The following INTS6 variants were observed in gnomAD, a reference collection of about 807,000 sequenced individuals.
The protein encoded by INTS6 is DEAD box protein.
INTS6 carries 16 observed loss-of-function variants against 104.9 expected under a neutral mutation model. That is an observed-to-expected ratio of 0.15 (90% CI 0.10 to 0.23). The LOEUF (loss-of-function observed/expected upper bound fraction) is 0.23. Ranked by LOEUF, INTS6 falls within the 10% of genes least tolerant of loss-of-function variation. INTS6 has a pLI of 1.00. For synonymous variants in INTS6, 324 were observed against 358.7 expected, an observed-to-expected ratio of 0.90 and a Z score of 1.09; for missense variants, 584 against 1,062.8, an observed-to-expected ratio of 0.55 and a Z score of 6.26.
intron 4 of INTS6, among the ~76,000 whole-genome samples, chr13:51,424,397 G>A (rs1956950532): frequency 6.6e-6 from 1 of 151,814 alleles, no homozygotes; most frequent in African/African-American, 2.4e-5. Flanking sequence ...ATCAATAAGA[G>A]TACTGCAAAT....
At chr13:51,418,723 G>A (rs865872881) in intron 4 of INTS6, among the ~76,000 whole-genome samples, 7 of 152,026 alleles carry the variant, frequency 4.6e-5, no homozygotes, top group African/African-American at 1.4e-4. Flanking sequence ...TTTGTTCAGA[G>A]GAAAGAGCAA....
intron 16 of INTS6, among the ~76,000 whole-genome samples, chr13:51,368,326 G>C (rs1008444323): frequency 6.6e-6 from 1 of 152,046 alleles, no homozygotes; most frequent in African/African-American, 2.4e-5. Context: ...GTTTTCATAT[G>C]AAACTCTGCA....
At chr13:51,348,709 G>A in the INTS6 span, 1 of 346,914 alleles carries the variant, frequency 2.9e-6, no homozygotes, top group Non-Finnish European at 5.3e-6. Flanking sequence ...CCCTGATCCA[G>A]CCCTAGGCTG....
downstream of INTS6, among the ~76,000 whole-genome samples, chr13:51,353,734 A>G (rs1300830597): frequency 1.3e-5 from 2 of 152,222 alleles, no homozygotes; most frequent in African/African-American, 4.8e-5. Flanking sequence ...AGAAAGTATG[A>G]TACTTTTGTT....
At chr13:51,409,815 G>T (rs778807632) in intron 4 of INTS6, among the ~76,000 whole-genome samples, 122 of 152,248 alleles carry the variant, frequency 8.0e-4, no homozygotes, top group Non-Finnish European at 3.4e-4. Flanking sequence ...TGGAAAGGAA[G>T]AAGTGTACCT....
intron 3 of INTS6, among the ~76,000 whole-genome samples, chr13:51,431,737 G>C (rs1164416595): frequency 6.6e-6 from 1 of 152,060 alleles, no homozygotes; most frequent in Non-Finnish European, 1.5e-5. Context: ...GAAAAAAATG[G>C]TTCCGGGGGA....
At position 51,395,573 on chromosome 13, in the gene INTS6, T is replaced by G. The variant is rs1469687768; in HGVS notation, c.430-90A>C. 3 of 1,101,936 alleles carry G rather than the reference T, an allele frequency of 2.7e-6. No homozygotes were observed. The Admixed American group carries it at 9.0e-5, about 33-fold the overall frequency. The allele number at this position is 1,101,936 out of a possible 1,614,324, so 68.3% of individuals were successfully genotyped here. A position where few individuals can be genotyped will look rare whatever the true frequency, so the allele number is the denominator to read the frequency against. On this transcript the variant is annotated intron_variant, in intron 4 of 17. Transcript: ENST00000311234. ...TAATTACACTTACGTTAGAACTGCA[T>G]CAACTCTCCTATCACTTGAAAAACA...
chr13:51,402,860 T>C (rs1406339000), intron 4 of INTS6: 1 of 152,156 alleles, frequency 6.6e-6, no homozygotes, highest in Non-Finnish European at 1.5e-5. Flanking sequence ...ATGCTCAATT[T>C]TATGTACTTA....
intron 7 of INTS6, among the ~76,000 whole-genome samples, chr13:51,386,618 G>A (rs569660732): frequency 6.6e-6 from 1 of 152,058 alleles, no homozygotes; most frequent in South Asian, 2.1e-4. Flanking sequence ...AGTACAAAAG[G>A]TTTCAAAAAG....
chr13:51,355,409 C>T (rs1026515578), intron 3 of INTS6, among the ~76,000 whole-genome samples: 5 of 152,102 alleles, frequency 3.3e-5, no homozygotes, highest in African/African-American at 1.2e-4. Context: ...AGTAAACAGA[C>T]CCTCCCTCTA....
At chr13:51,342,890 G>A in the INTS6 span, among the ~76,000 whole-genome samples, 1 of 152,170 alleles carries the variant, frequency 6.6e-6, no homozygotes, top group Non-Finnish European at 1.5e-5. Flanking sequence ...AAGCACTTAA[G>A]TTAGGCTGAT....
At chr13:51,406,106 C>T (rs1173188694) in intron 4 of INTS6, among the ~76,000 whole-genome samples, 1 of 152,156 alleles carries the variant, frequency 6.6e-6, no homozygotes, top group East Asian at 1.9e-4. Flanking sequence ...AACCTAGACA[C>T]AATCTCCAAT....
intron 7 of INTS6, chr13:51,384,295 CT>C (rs1404448823): frequency 1.6e-5 from 3 of 187,820 alleles, no homozygotes; most frequent in South Asian, 2.1e-4. Context: ...GATACACACC[CT>C]TATTTTAGAA....
intron 17 of INTS6, 92 bp from the exon 18 acceptor site, chr13:51,365,937 G>A (rs1955678670): frequency 6.2e-6 from 4 of 642,714 alleles, no homozygotes; most frequent in Non-Finnish European, 1.0e-5. Flanking sequence ...AAAATTTTGG[G>A]AAGATTTTTC....
At chr13:51,421,418 G>A in intron 4 of INTS6, 1 of 517,294 alleles carries the variant, frequency 1.9e-6, no homozygotes, top group Non-Finnish European at 2.5e-6. Flanking sequence ...GACAGAGCGT[G>A]GGGAAAAATA....
intron 4 of INTS6, among the ~76,000 whole-genome samples, chr13:51,427,073 C>G (rs972029641): frequency 6.6e-6 from 1 of 152,010 alleles, no homozygotes; most frequent in Non-Finnish European, 1.5e-5. Context: ...ACATTTACTC[C>G]TGAAAAACAG....
At position 51,413,516 on chromosome 13, in the gene INTS6, G is replaced by C. The variant is rs777221653; in HGVS notation, c.429+16778C>G. Reference sequence around the variant, plus strand: ...TCCCCATTGTAAAGATGAGAAAACTGAAACTCAAAATGAGCAAAAAAATTA... The same window carrying C: ...TCCCCATTGTAAAGATGAGAAAACTCAAACTCAAAATGAGCAAAAAAATTA... On this transcript the variant is annotated intron_variant, in intron 4 of 17. Transcript: ENST00000311234. Among the ~76,000 whole-genome samples the C allele has an allele frequency of 3.3e-5, 5 of 152,106 alleles. 1 individual carries two copies. The highest frequency in any genetic ancestry group is 3.3e-4 in the Admixed American group (5 of 15,274).
intron 4 of INTS6, chr13:51,422,998 T>A: frequency 8.9e-7 from 1 of 1,128,860 alleles, no homozygotes; most frequent in South Asian, 1.4e-5. Flanking sequence ...ATGAGATTTA[T>A]CTTAATGTAT....
intron 4 of INTS6, among the ~76,000 whole-genome samples, chr13:51,420,317 T>G (rs909908532): frequency 2.0e-5 from 3 of 150,726 alleles, no homozygotes; most frequent in African/African-American, 7.3e-5. Flanking sequence ...TTTTTTTTAC[T>G]AATATAGGTG....
Sources: gnomAD v4.1 joint callset for allele counts (sites outside exome capture counted in the v4.1 genomes callset) on GRCh38, gnomAD v4.1.1 for gene constraint, MANE v1.5 for transcripts, NCBI Gene and HGNC (gene_info 2026-07-23, HGNC 2026-07-21) for gene names.